EXT2: variants seen among roughly 807,000 people sequenced by gnomAD.
The protein encoded by EXT2 is exostosin-2.
A neutral mutation model predicts 81.6 loss-of-function variants in EXT2; 53 were observed. The ratio of observed to expected loss-of-function variants is 0.65; its 90% CI spans 0.52 to 0.82. The LOEUF is 0.82. EXT2 is among the 40% of genes least tolerant of loss of function. EXT2 has a pLI of 0.00. For synonymous variants in EXT2, 320 were observed against 340.0 expected (o/e 0.94, Z 0.65); for missense variants, 774 against 910.2 (o/e 0.85, Z 1.93).
At chr11:44,131,556 C>G (rs1590576799) in intron 7 of EXT2, among the ~76,000 whole-genome samples, 1 of 152,280 alleles carries the variant, frequency 6.6e-6, no homozygotes, top group Middle Eastern at 3.4e-3. Flanking sequence ...TTTATAGCAT[C>G]CTCCTGTTCG....
At chr11:44,150,851 G>C (rs923815657) in intron 7 of EXT2, among the ~76,000 whole-genome samples, 4 of 152,182 alleles carry the variant, frequency 2.6e-5, no homozygotes, top group Admixed American at 1.3e-4. Context: ...TTGAGTCCTT[G>C]CCCATAGGTG....
intron 3 of EXT2, among the ~76,000 whole-genome samples, chr11:44,109,633 C>T (rs879184031): frequency 6.6e-6 from 1 of 152,068 alleles, no homozygotes; most frequent in Admixed American, 6.6e-5. Context: ...GAGAAGGTAG[C>T]GTGGATATGT....
intron 7 of EXT2, among the ~76,000 whole-genome samples, chr11:44,147,400 C>G: frequency 6.6e-6 from 1 of 152,162 alleles, no homozygotes. Flanking sequence ...AGAAGATAAA[C>G]TCAGAAGCCT....
intron 8 of EXT2, among the ~76,000 whole-genome samples, chr11:44,190,525 A>C (rs553385496): frequency 6.6e-6 from 1 of 152,170 alleles, no homozygotes; most frequent in Non-Finnish European, 1.5e-5. Flanking sequence ...TAAATCAGAT[A>C]TAGGTTGACT....
chr11:44,200,690 C>T (rs575379275), intron 9 of EXT2, among the ~76,000 whole-genome samples: 1 of 152,288 alleles, frequency 6.6e-6, no homozygotes, highest in South Asian at 2.1e-4. Context: ...ATGAGACCAG[C>T]TGTACACCAG....
At position 44,109,260 on chromosome 11, in the gene EXT2, A is replaced by G. The variant is rs1565197261; in HGVS notation, c.603A>G (p.Thr201=). The change falls in exon 3 of 14, where the codon ACA becomes ACG. Residue 201 remains threonine (T), a synonymous_variant. Transcript: ENST00000533608. The part of the protein sequence containing the change: ...MLPGGPPDYN[T]ALDVPRDRAL... ...CTGGAGGTCCCCCAGATTATAACAC[A>G]GCCCTGGATGTCCCCAGAGACAGGT... is the stretch of plus-strand genomic sequence containing the variant. 1 of 1,614,180 alleles carries G rather than the reference A, an allele frequency of 6.2e-7. No individual in the cohort carries two copies. Among genetic ancestry groups the G allele is most frequent in the Non-Finnish European group, 8.5e-7 (1 of 1,179,994 alleles).
intron 7 of EXT2, among the ~76,000 whole-genome samples, chr11:44,147,895 G>A (rs368281648): frequency 2.0e-5 from 3 of 150,774 alleles, no homozygotes; most frequent in African/African-American, 7.3e-5. Flanking sequence ...TTTAGGTGCT[G>A]TGGGATCCTC....
At chr11:44,143,619 A>G (rs1191250686) in intron 7 of EXT2, among the ~76,000 whole-genome samples, 2 of 152,218 alleles carry the variant, frequency 1.3e-5, no homozygotes, top group Non-Finnish European at 2.9e-5. Flanking sequence ...CCTCGGAATC[A>G]CCAGCAGAGC....
At chr11:44,150,119 G>A (rs1350225292) in intron 7 of EXT2, among the ~76,000 whole-genome samples, 3 of 152,154 alleles carry the variant, frequency 2.0e-5, no homozygotes, top group Non-Finnish European at 4.4e-5. Context: ...AGGAGGTTAA[G>A]AGATGGTTAA....
intron 10 of EXT2, among the ~76,000 whole-genome samples, chr11:44,209,089 T>A (rs1955617236): frequency 6.6e-6 from 1 of 152,256 alleles, no homozygotes; most frequent in Non-Finnish European, 1.5e-5. Context: ...GGATCATAGT[T>A]CATTCTTACA....
chr11:44,125,287 A>G (rs981060766), intron 5 of EXT2, among the ~76,000 whole-genome samples: 1 of 152,210 alleles, frequency 6.6e-6, no homozygotes, highest in Non-Finnish European at 1.5e-5. Context: ...AGGCAAATGT[A>G]TCTTGCTTTT....
intron 8 of EXT2, among the ~76,000 whole-genome samples, chr11:44,179,867 A>G (rs1416037998): frequency 6.6e-6 from 1 of 150,724 alleles, no homozygotes; most frequent in African/African-American, 2.4e-5. Flanking sequence ...CTCCCAATTG[A>G]TTAATGTGTC....
chr11:44,148,586 A>G (rs781713821), intron 7 of EXT2, among the ~76,000 whole-genome samples: 1 of 152,234 alleles, frequency 6.6e-6, no homozygotes, highest in Non-Finnish European at 1.5e-5. Context: ...TCATCATAAA[A>G]TAGGGATAAT....
intron 10 of EXT2, among the ~76,000 whole-genome samples, chr11:44,208,846 G>A (rs372595459): frequency 6.6e-6 from 1 of 152,190 alleles, no homozygotes. Flanking sequence ...ACACTGTGCT[G>A]CCTTCCCTGA....
Position 44,126,829 on chromosome 11 carries a change from G to A in EXT2, c.953G>A (p.Cys318Tyr), listed in dbSNP as rs776120800. Residue 318 changes from cysteine (C) to tyrosine (Y), a missense_variant, in exon 6 of 14, where the codon TGT becomes TAT. Coordinates refer to ENST00000533608, the MANE Select transcript of EXT2 (RefSeq NM_207122.2). ...GTGTTCCTGCAGGAGGCTACTTTCT[G>A]TGTGGTTCTTCGTGGAGCTCGGCTG... is the stretch of plus-strand genomic sequence containing the variant. ...YPQVLQEATFCVVLRGARLGQ... is the reference protein window; with the variant it reads ...YPQVLQEATFYVVLRGARLGQ... The A allele has an allele frequency of 1.9e-5, 30 of 1,614,078 alleles. No homozygotes were observed. The highest frequency in any genetic ancestry group is 2.7e-5 in the African/African-American group (2 of 74,906).
intron 10 of EXT2, among the ~76,000 whole-genome samples, chr11:44,215,556 G>A (rs1051672933): frequency 1.3e-4 from 20 of 152,244 alleles, no homozygotes; most frequent in East Asian, 3.9e-4. Context: ...AAAAGAGGGC[G>A]CATATGCACC....
At chr11:44,128,398 T>C (rs142197611) in intron 6 of EXT2, among the ~76,000 whole-genome samples, 18 of 152,308 alleles carry the variant, frequency 1.2e-4, no homozygotes, top group African/African-American at 3.8e-4. Context: ...CTTCCAGCAT[T>C]TATCTCCCAA....
rs574509385 is a variant in EXT2 at position 44,148,286 on chromosome 11, A to G, written c.1173+18148A>G. On this transcript the variant is annotated intron_variant, in intron 7 of 13. Coordinates refer to ENST00000533608, the MANE Select transcript of EXT2 (RefSeq NM_207122.2). ...GTTATTCTAAGGAGGGTCTTCCAAC[A>G]TCACTCAAGATGGACACATAACAGT... Among the ~76,000 whole-genome samples the G allele has an allele frequency of 1.3e-4, 20 of 152,346 alleles. No individual in the cohort carries two copies. The South Asian group carries it at 4.1e-3, about 32-fold the overall frequency.
intron 7 of EXT2, among the ~76,000 whole-genome samples, chr11:44,165,352 G>T (rs7926857): frequency 0.018 from 2,699 of 152,232 alleles, 84 homozygotes; most frequent in African/African-American, 0.062. Flanking sequence ...GCCCTGGAGG[G>T]GCTATAAATT....
Sources: gnomAD v4.1 joint callset for allele counts (sites outside exome capture counted in the v4.1 genomes callset) on GRCh38, gnomAD v4.1.1 for gene constraint, MANE v1.5 for transcripts, NCBI Gene and HGNC (gene_info 2026-07-23, HGNC 2026-07-21) for gene names.